KCNQ5: variants seen among roughly 807,000 people sequenced by gnomAD.
The protein encoded by KCNQ5 is potassium voltage-gated channel subfamily KQT member 5.
KCNQ5 carries 30 observed loss-of-function variants against 98.2 expected under a neutral mutation model. The ratio of observed to expected loss-of-function variants is 0.31; its 90% CI spans 0.23 to 0.41. The LOEUF is 0.41. Among genes scored for constraint, KCNQ5 ranks in the 10% least tolerant of loss-of-function variants. The probability of loss-of-function intolerance (pLI) is 1.00; values close to 1 mark genes in which losing one functional copy is unlikely to be tolerated. For missense variants in KCNQ5, 835 were observed against 1,182.5 expected (o/e 0.71, Z 4.31); for synonymous variants, 458 against 449.4 (o/e 1.02, Z -0.24).
chr6:72,626,171 A>G (rs1202995478), intron 1 of KCNQ5, among the ~76,000 whole-genome samples: 1 of 152,248 alleles, frequency 6.6e-6, no homozygotes, highest in Non-Finnish European at 1.5e-5. Context: ...GTGTGAAACA[A>G]TGTTATTGGT....
intron 1 of KCNQ5, among the ~76,000 whole-genome samples, chr6:72,693,364 T>C (rs1420730346): frequency 1.3e-5 from 2 of 152,130 alleles, no homozygotes; most frequent in Non-Finnish European, 2.9e-5. Flanking sequence ...CAAATCCTGT[T>C]AGGGCTGTAG....
intron 2 of KCNQ5, among the ~76,000 whole-genome samples, chr6:73,034,847 T>TCCA: frequency 6.8e-6 from 1 of 147,698 alleles, no homozygotes; most frequent in East Asian, 2.0e-4. Context: ...TTCTTTTTTT[T>TCCA]TTTTTTTTTT....
At chr6:73,099,120 A>T (rs1467421543) in intron 5 of KCNQ5, among the ~76,000 whole-genome samples, 3 of 67,724 alleles carry the variant, frequency 4.4e-5, no homozygotes, top group East Asian at 3.9e-4. Context: ...TGCAAGCCTC[A>T]TAGTAACCTA....
intron 1 of KCNQ5, among the ~76,000 whole-genome samples, chr6:72,841,336 C>T (rs1293156561): frequency 1.3e-5 from 2 of 152,148 alleles, no homozygotes; most frequent in African/African-American, 4.8e-5. Flanking sequence ...CCTTCTTGAA[C>T]TGCATGCATC....
At chr6:72,941,664 ATC>A (rs1319485104) in intron 1 of KCNQ5, among the ~76,000 whole-genome samples, 1 of 16,872 alleles carries the variant, frequency 5.9e-5, no homozygotes, top group African/African-American at 1.8e-4. Flanking sequence ...CTCCCTCCCC[ATC>A]TCTTTCTTTC....
chr6:72,894,349 C>T (rs143320465), intron 1 of KCNQ5, among the ~76,000 whole-genome samples: 1,853 of 152,286 alleles, frequency 0.012, 27 homozygotes, highest in Middle Eastern at 0.054. Flanking sequence ...ATTTCTCTGC[C>T]GGCATTCAGC....
chr6:72,748,209 C>A (rs1771500496), intron 1 of KCNQ5, among the ~76,000 whole-genome samples: 1 of 151,646 alleles, frequency 6.6e-6, no homozygotes, highest in Admixed American at 6.6e-5. Flanking sequence ...TTTTTTAATT[C>A]CAACCTGTTC....
At chr6:72,916,750 AT>A (rs1343145524) in intron 1 of KCNQ5, among the ~76,000 whole-genome samples, 1 of 152,100 alleles carries the variant, frequency 6.6e-6, no homozygotes, top group African/African-American at 2.4e-5. Context: ...GCAATATTTT[AT>A]TTAATAATTG....
chr6:72,838,985 G>C (rs1310916403), intron 1 of KCNQ5, among the ~76,000 whole-genome samples: 1 of 147,952 alleles, frequency 6.8e-6, no homozygotes, highest in Non-Finnish European at 1.5e-5. Context: ...ATATGGAGCT[G>C]AGTGTGAAAT....
chr6:73,119,881 C>T (rs967807674), intron 7 of KCNQ5, among the ~76,000 whole-genome samples: 1 of 152,136 alleles, frequency 6.6e-6, no homozygotes, highest in Non-Finnish European at 1.5e-5. Context: ...CTTTCCCTTA[C>T]CAATTCAAAA....
At chr6:72,771,900 A>G (rs1209084757) in intron 1 of KCNQ5, among the ~76,000 whole-genome samples, 1 of 152,132 alleles carries the variant, frequency 6.6e-6, no homozygotes, top group African/African-American at 2.4e-5. Context: ...ATTTACGTAT[A>G]GGGAACAAGG....
intron 1 of KCNQ5, among the ~76,000 whole-genome samples, chr6:72,890,574 C>G (rs1779019158): frequency 1.3e-5 from 2 of 152,070 alleles, no homozygotes; most frequent in African/African-American, 4.8e-5. Context: ...GCCTAGTGGT[C>G]ATGAATTGTG....
intron 1 of KCNQ5, among the ~76,000 whole-genome samples, chr6:72,851,943 A>G (rs1035258036): frequency 2.0e-4 from 30 of 152,248 alleles, no homozygotes; most frequent in Admixed American, 6.5e-4. Flanking sequence ...AGATACGTAT[A>G]ATGTAAAAAT....
chr6:72,824,421 T>C (rs936632913), intron 1 of KCNQ5, among the ~76,000 whole-genome samples: 3 of 152,202 alleles, frequency 2.0e-5, no homozygotes, highest in Non-Finnish European at 2.9e-5. Context: ...ATTCATTATG[T>C]GTTCTTTTAA....
At chr6:72,911,795 G>A (rs943053382) in intron 1 of KCNQ5, among the ~76,000 whole-genome samples, 23 of 152,094 alleles carry the variant, frequency 1.5e-4, no homozygotes, top group South Asian at 6.2e-4. Flanking sequence ...GTCCAAATCC[G>A]GAGTAAAGAC....
chr6:72,681,908 G>C (rs1274178228), intron 1 of KCNQ5, among the ~76,000 whole-genome samples: 1 of 152,132 alleles, frequency 6.6e-6, no homozygotes. Context: ...TTGCTCCTGG[G>C]TTGCCTTGGA....
intron 3 of KCNQ5, among the ~76,000 whole-genome samples, chr6:73,062,815 C>G (rs117172364): frequency 0.035 from 5,293 of 152,126 alleles, 140 homozygotes; most frequent in Middle Eastern, 0.058. Flanking sequence ...TTGCCTTTTT[C>G]TCAATTATTT....
At chr6:72,624,994 A>ACTAAGCTGG (rs1212393599) in intron 1 of KCNQ5, among the ~76,000 whole-genome samples, 4 of 152,198 alleles carry the variant, frequency 2.6e-5, no homozygotes, top group African/African-American at 7.2e-5. Context: ...GTAACTAACT[A>ACTAAGCTGG]ATTCCCTGCC....
chr6:73,165,035 G>GTAA (rs1777740678), intron 10 of KCNQ5, among the ~76,000 whole-genome samples: 1 of 151,988 alleles, frequency 6.6e-6, no homozygotes, highest in East Asian at 1.9e-4. Flanking sequence ...CTGGAGTGAA[G>GTAA]CAGTACAATC....
Sources: gnomAD v4.1 joint callset for allele counts (sites outside exome capture counted in the v4.1 genomes callset) on GRCh38, gnomAD v4.1.1 for gene constraint, MANE v1.5 for transcripts, NCBI Gene and HGNC (gene_info 2026-07-23, HGNC 2026-07-21) for gene names.